DLC1: variants seen among roughly 807,000 people sequenced by gnomAD.
DLC1 encodes the protein DLC1 Rho GTPase activating protein, also known as rho GTPase-activating protein 7.
In DLC1, 54 loss-of-function variants were observed where a neutral mutation model predicts 140.3. That is an observed-to-expected ratio of 0.38 (90% confidence interval 0.31 to 0.48). The LOEUF is 0.48. DLC1 is among the 20% of genes least tolerant of loss of function. DLC1 has a pLI of 0.96. For synonymous variants in DLC1, 986 were observed against 728.1 expected (o/e 1.35, Z -5.70); for missense variants, 2,536 against 1,907.0 (o/e 1.33, Z -6.14).
At chr8:13,325,449 T>TACACACAC (rs1554497506) in intron 4 of DLC1, among the ~76,000 whole-genome samples, 145 of 38,290 alleles carry the variant, frequency 3.8e-3, no homozygotes, top group African/African-American at 7.8e-3. Context: ...TAGTTCTGTA[T>TACACACAC]ACACACACAC....
intron 5 of DLC1, among the ~76,000 whole-genome samples, chr8:13,191,258 G>T (rs1257681860): frequency 3.3e-5 from 5 of 152,206 alleles, no homozygotes; most frequent in Non-Finnish European, 7.3e-5. Flanking sequence ...TGTAATCCCA[G>T]CACTTTGGGA....
At chr8:13,550,897 T>C (rs1803822365) in intron 1 of DLC1, among the ~76,000 whole-genome samples, 1 of 152,044 alleles carries the variant, frequency 6.6e-6, no homozygotes, top group African/African-American at 2.4e-5. Flanking sequence ...AAAAGAATAA[T>C]CATGTATGGT....
At chr8:13,165,498 C>T (rs1346845340) in intron 5 of DLC1, among the ~76,000 whole-genome samples, 1 of 152,200 alleles carries the variant, frequency 6.6e-6, no homozygotes, top group Admixed American at 6.5e-5. Context: ...GCAACAGTCA[C>T]CTCATGGTCC....
intron 2 of DLC1, among the ~76,000 whole-genome samples, chr8:13,456,753 C>G (rs1799408836): frequency 6.6e-6 from 1 of 152,210 alleles, no homozygotes; most frequent in African/African-American, 2.4e-5. Flanking sequence ...GCCACCGTGC[C>G]CCCCTCCATA....
In DLC1 at chr8:13,411,590, T is replaced by C. The variant is rs1272547894; in HGVS notation, c.1024-9971A>G. On this transcript the variant is annotated intron_variant, in intron 2 of 17. Coordinates refer to ENST00000276297, the MANE Select transcript of DLC1 (RefSeq NM_182643.3). The stretch of plus-strand genomic sequence containing the variant: ...TTGTAGAGTCATTGATTGTTACAAA[T>C]GTACTACTTTGGTGCTGGATGTTGA... Among the ~76,000 whole-genome samples the C allele has an allele frequency of 3.3e-5, 5 of 152,186 alleles. No individual in the cohort carries two copies. In the South Asian group the frequency reaches 1.0e-3, roughly 31 times the overall value.
chr8:13,344,823 T>A (rs555180228), intron 4 of DLC1, among the ~76,000 whole-genome samples: 1 of 152,272 alleles, frequency 6.6e-6, no homozygotes, highest in African/African-American at 2.4e-5. Context: ...CGACAGTGGG[T>A]TTCACTTTGT....
intron 2 of DLC1, among the ~76,000 whole-genome samples, chr8:13,443,000 T>C (rs1216746345): frequency 3.3e-5 from 5 of 152,220 alleles, no homozygotes; most frequent in African/African-American, 4.8e-5. Context: ...GTGGCACATA[T>C]ACACCATGGA....
At chr8:13,160,849 G>C (rs1470146648) in intron 5 of DLC1, among the ~76,000 whole-genome samples, 5 of 152,224 alleles carry the variant, frequency 3.3e-5, no homozygotes, top group Admixed American at 1.3e-4. Flanking sequence ...ACTTTGGGAG[G>C]CCAAGGCGGG....
At chr8:13,459,783 G>A (rs1799575290) in intron 2 of DLC1, among the ~76,000 whole-genome samples, 1 of 152,192 alleles carries the variant, frequency 6.6e-6, no homozygotes, top group African/African-American at 2.4e-5. Context: ...TGGAAAAACT[G>A]CTTCCTGTGA....
At chr8:13,277,274 C>G (rs1831211313) in intron 5 of DLC1, among the ~76,000 whole-genome samples, 1 of 152,170 alleles carries the variant, frequency 6.6e-6, no homozygotes. Flanking sequence ...GTCACCCCCA[C>G]TGCTCTCCAG....
chr8:13,459,795 T>A (rs1356609639), intron 2 of DLC1, among the ~76,000 whole-genome samples: 1 of 152,242 alleles, frequency 6.6e-6, no homozygotes, highest in East Asian at 1.9e-4. Context: ...TTCCTGTGAA[T>A]AAGCATAATA....
rs73663608 is a variant in DLC1, at chr8:13,128,145, G to A, written c.1349-12488C>T. 7.3e-3 allele frequency among the ~76,000 whole-genome samples: 1,114 copies of A among 152,210 alleles called. 13 individuals carry two copies. Among genetic ancestry groups the A allele is most frequent in the African/African-American group, 0.025 (1,030 of 41,534 alleles). ...TGTCTTGGCTTCACTTTAGAAGGAT[G>A]TAATAGTTCACTTTTTGGTGCTCAA... is the stretch of plus-strand genomic sequence containing the variant. On this transcript the variant is annotated intron_variant, in intron 5 of 17. Transcript: ENST00000276297.
intron 4 of DLC1, among the ~76,000 whole-genome samples, chr8:13,328,877 G>C (rs1016520702): frequency 1.3e-5 from 2 of 152,178 alleles, no homozygotes; most frequent in Non-Finnish European, 2.9e-5. Flanking sequence ...AGTGATCTGG[G>C]ACTAGGTGAG....
At position 13,499,280 on chromosome 8, in the gene DLC1, G is replaced by C. The variant is rs748100448; in HGVS notation, c.792C>G (p.Asn264Lys). Reference protein sequence around the residue: ...QNEFLDTPCTNRGLPLLKTDF... With the variant: ...QNEFLDTPCTKRGLPLLKTDF... Reference sequence around the variant, plus strand: ...CTGTTTTTAATAATGGCAGTCCTCTGTTTGTGCAAGGAGTATCCAAGAACT... The same window carrying C: ...CTGTTTTTAATAATGGCAGTCCTCTCTTTGTGCAAGGAGTATCCAAGAACT... Residue 264 changes from asparagine to lysine, a missense_variant, in exon 2 of 18, where the codon AAC becomes AAG. Asn to Lys is a moderately conservative substitution (Grantham distance 94). Coordinates refer to ENST00000276297, the MANE Select transcript of DLC1 (RefSeq NM_182643.3). The C allele has an allele frequency of 1.2e-6, 2 of 1,614,136 alleles. No homozygotes were observed. The highest frequency in any genetic ancestry group is 1.1e-5 in the South Asian group (1 of 91,086).
At chr8:13,368,073 A>G (rs1367124666) in intron 4 of DLC1, among the ~76,000 whole-genome samples, 1 of 152,208 alleles carries the variant, frequency 6.6e-6, no homozygotes, top group Admixed American at 6.5e-5. Flanking sequence ...CCTGGCTTCA[A>G]GAGGCCCTTG....
At chr8:13,123,220 A>G (rs1563644065) in intron 5 of DLC1, among the ~76,000 whole-genome samples, 1 of 152,062 alleles carries the variant, frequency 6.6e-6, no homozygotes, top group African/African-American at 2.4e-5. Flanking sequence ...GTGAAAGCCA[A>G]ACTCCTAACA....
At chr8:13,513,464 T>C (rs1235659361) in intron 1 of DLC1, among the ~76,000 whole-genome samples, 2 of 152,110 alleles carry the variant, frequency 1.3e-5, no homozygotes, top group Non-Finnish European at 2.9e-5. Flanking sequence ...TTGTACTATA[T>C]AAAAACTTAT....
At chr8:13,334,371 T>G (rs1406911898) in intron 4 of DLC1, among the ~76,000 whole-genome samples, 1 of 152,118 alleles carries the variant, frequency 6.6e-6, no homozygotes, top group African/African-American at 2.4e-5. Flanking sequence ...AGGCCAGATC[T>G]GTGAGCCCCC....
At chr8:13,514,968 C>T (rs113996847), upstream of DLC1, 867 of 258,368 alleles carry the variant, frequency 3.4e-3, 8 homozygotes, top group African/African-American at 0.018. Flanking sequence ...GAGGGGAGAG[C>T]CCAGCCGCCT....
Sources: gnomAD v4.1 joint callset for allele counts (sites outside exome capture counted in the v4.1 genomes callset) on GRCh38, gnomAD v4.1.1 for gene constraint, MANE v1.5 for transcripts, NCBI Gene and HGNC (gene_info 2026-07-23, HGNC 2026-07-21) for gene names.